The following ZBTB40 variants were observed in gnomAD, a reference collection of about 807,000 sequenced individuals.
ZBTB40 encodes zinc finger and BTB domain-containing protein 40.
A neutral mutation model predicts 117.5 loss-of-function variants in ZBTB40; 60 were observed. That is an observed-to-expected ratio of 0.51 (90% CI 0.41 to 0.63). The LOEUF (loss-of-function observed/expected upper bound fraction) is 0.63, where lower values mean the gene tolerates loss of function less well. Ranked by LOEUF, ZBTB40 falls within the 30% of genes least tolerant of loss-of-function variation. The probability of loss-of-function intolerance (pLI) is 0.00; values close to 1 mark genes in which losing one functional copy is unlikely to be tolerated. For missense variants in ZBTB40, 1,287 were observed against 1,498.5 expected, an observed-to-expected ratio of 0.86 and a Z score of 2.33; for synonymous variants, 525 against 577.1, an observed-to-expected ratio of 0.91 and a Z score of 1.29.
chr1:22,477,298 A>G (rs906636700), intron 1 of ZBTB40, among the ~76,000 whole-genome samples: 20 of 152,214 alleles, frequency 1.3e-4, no homozygotes, highest in African/African-American at 4.8e-4. Flanking sequence ...GGAGCCAATA[A>G]TAAGAGCTAA....
intron 10 of ZBTB40, 46 bp downstream of exon 10, chr1:22,511,393 GGTTGTTT>G: frequency 6.2e-7 from 1 of 1,608,758 alleles, no homozygotes. Flanking sequence ...CAGCACACCA[GGTTGTTT>G]CTTGAAGAAA....
chr1:22,440,469 C>T (rs1254461953), intron 1 of ZBTB40, among the ~76,000 whole-genome samples: 1 of 152,124 alleles, frequency 6.6e-6, no homozygotes, highest in Non-Finnish European at 1.5e-5. Flanking sequence ...AGAGCCCGGT[C>T]TCCAAAACAC....
intron 1 of ZBTB40, among the ~76,000 whole-genome samples, chr1:22,483,108 A>G (rs1030631196): frequency 6.6e-6 from 1 of 152,078 alleles, no homozygotes; most frequent in African/African-American, 2.4e-5. Context: ...TATGCATTTA[A>G]GTTTCCTCCC....
intron 1 of ZBTB40, among the ~76,000 whole-genome samples, chr1:22,455,979 A>C (rs1016388941): frequency 6.6e-6 from 1 of 152,108 alleles, no homozygotes; most frequent in Non-Finnish European, 1.5e-5. Flanking sequence ...CTGAACCAGC[A>C]CCCTGAGGGA....
At chr1:22,490,720 T>G in intron 2 of ZBTB40, 75 bp downstream of exon 2, 1 of 1,546,508 alleles carries the variant, frequency 6.5e-7, no homozygotes, top group South Asian at 1.2e-5. Flanking sequence ...GATTAATAAA[T>G]TTATCAAAGA....
At chr1:22,473,286 T>C (rs190719865) in intron 1 of ZBTB40, among the ~76,000 whole-genome samples, 174 of 152,252 alleles carry the variant, frequency 1.1e-3, no homozygotes, top group Middle Eastern at 3.4e-3. Flanking sequence ...CACATTAAAG[T>C]GTGAGAAACT....
chr1:22,483,146 T>C (rs1638374387), intron 1 of ZBTB40, among the ~76,000 whole-genome samples: 1 of 152,134 alleles, frequency 6.6e-6, no homozygotes, highest in African/African-American at 2.4e-5. Context: ...ATGTCTCATA[T>C]CTTTTTAGCA....
intron 1 of ZBTB40, among the ~76,000 whole-genome samples, chr1:22,478,632 C>T (rs545425889): frequency 7.2e-5 from 11 of 152,108 alleles, no homozygotes; most frequent in South Asian, 4.1e-4. Flanking sequence ...AGTTAATATA[C>T]GCAAAGCATT....
chr1:22,491,954 CT>C (rs1638642315), intron 3 of ZBTB40, among the ~76,000 whole-genome samples: 1 of 152,128 alleles, frequency 6.6e-6, no homozygotes, highest in African/African-American at 2.4e-5. Flanking sequence ...TAAAATGCAT[CT>C]AATATTTAGG....
In ZBTB40 at chr1:22,517,334, G is replaced by T. The variant is rs1403596558; in HGVS notation, c.2703G>T (p.Val901=). The T allele has an allele frequency of 3.7e-6, 6 of 1,614,046 alleles. No individual in the cohort carries two copies. In the South Asian group the frequency reaches 4.4e-5, roughly 12 times the overall value. The change falls in exon 13 of 18, where the codon GTG becomes GTT. Residue 901 remains valine (V), a synonymous_variant. Coordinates refer to ENST00000375647, the MANE Select transcript of ZBTB40 (RefSeq NM_014870.4). ...ATGCATGCCAGTACTGTGATGCTGTGTTTGCCCAGTCTATTGAGCTGTCCC... is the reference window on the plus strand; with the variant it reads ...ATGCATGCCAGTACTGTGATGCTGTTTTTGCCCAGTCTATTGAGCTGTCCC... ...KMYACQYCDA[V]FAQSIELSRH...
chr1:22,501,717 G>A, intron 4 of ZBTB40, 33 bp downstream of exon 4: 2 of 1,605,294 alleles, frequency 1.2e-6, no homozygotes, highest in African/African-American at 1.3e-5. Flanking sequence ...GGAATGGCAG[G>A]GTTTTATTTT....
intron 1 of ZBTB40, among the ~76,000 whole-genome samples, chr1:22,484,077 T>G (rs907115708): frequency 2.0e-5 from 3 of 152,216 alleles, no homozygotes; most frequent in African/African-American, 7.2e-5. Context: ...TGGGTCTGTT[T>G]CTGGGCTTTC....
intron 1 of ZBTB40, among the ~76,000 whole-genome samples, chr1:22,464,290 A>G (rs1641201369): frequency 6.6e-6 from 1 of 152,220 alleles, no homozygotes; most frequent in African/African-American, 2.4e-5. Flanking sequence ...GCCTTTAACC[A>G]CTAAGCTACA....
At chr1:22,506,453 A>AT (rs1057421629) in intron 6 of ZBTB40, among the ~76,000 whole-genome samples, 1 of 152,154 alleles carries the variant, frequency 6.6e-6, no homozygotes, top group Non-Finnish European at 1.5e-5. Context: ...AAGCTCCCTC[A>AT]TGGTGTTCCT....
intron 3 of ZBTB40, among the ~76,000 whole-genome samples, chr1:22,492,292 G>A (rs910960834): frequency 2.0e-5 from 3 of 152,096 alleles, no homozygotes; most frequent in Non-Finnish European, 2.9e-5. Context: ...CTTAGGAATC[G>A]CCTGACAGGA....
intron 1 of ZBTB40, among the ~76,000 whole-genome samples, chr1:22,472,861 C>G (rs1005136797): frequency 1.3e-5 from 2 of 152,168 alleles, no homozygotes; most frequent in Non-Finnish European, 2.9e-5. Flanking sequence ...GCCTGGGGCC[C>G]TAGAAGATAG....
Position 22,501,583 on chromosome 1 carries a change from C to A in ZBTB40, c.923C>A (p.Thr308Asn). 6.2e-7 allele frequency: 1 copy of A among 1,614,172 alleles called. No homozygotes were observed. Among genetic ancestry groups the A allele is most frequent in the Non-Finnish European group, 8.5e-7 (1 of 1,180,018 alleles). ...KVREESLDVQ[T>N]VVSLLRLYQY... ...AGAGAGGAAAGCCTGGATGTTCAAA[C>A]TGTTGTGTCCCTGTTGAGGCTGTAC... The change falls in exon 4 of 18, where the codon ACT becomes AAT. Residue 308 changes from threonine (T) to asparagine (N), a missense_variant. Physicochemically the swap from Thr to Asn is moderately conservative, Grantham distance 65 (BLOSUM62 0). This residue lies in a region of ZBTB40 where 870 missense variants were observed against 934.4 expected (regional missense o/e 0.93). Transcript: ENST00000375647.
chr1:22,520,050 C>G lies in ZBTB40; in HGVS notation c.2834-11C>G. 3 of 1,612,806 alleles carry G rather than the reference C, an allele frequency of 1.9e-6. No individual in the cohort carries two copies. The highest frequency in any genetic ancestry group is 1.7e-6 in the Non-Finnish European group (2 of 1,178,842). On this transcript the variant is annotated splice_polypyrimidine_tract_variant and intron_variant, in intron 13 of 17. Coordinates refer to ENST00000375647, the MANE Select transcript of ZBTB40 (RefSeq NM_014870.4). ...CCACCTCTTCCTCTCATGGATGTCCCGTGAAACTAGACATAGAAGATCCTT... is the reference window on the plus strand; with the variant it reads ...CCACCTCTTCCTCTCATGGATGTCCGGTGAAACTAGACATAGAAGATCCTT...
intron 1 of ZBTB40, among the ~76,000 whole-genome samples, chr1:22,440,528 A>C (rs1640718437): frequency 6.6e-6 from 1 of 152,206 alleles, no homozygotes; most frequent in South Asian, 2.1e-4. Flanking sequence ...AAAGTGGTAA[A>C]AGTGGAGATC....
Sources: allele counts gnomAD v4.1 joint callset (sites outside exome capture counted in the v4.1 genomes callset), GRCh38; gene constraint gnomAD v4.1.1; regional missense constraint gnomAD v4.1.1; transcripts MANE v1.5; gene names NCBI Gene and HGNC (gene_info 2026-07-23, HGNC 2026-07-21).